The following TMEM131 variants were observed in gnomAD, a reference collection of about 807,000 sequenced individuals.
The protein encoded by TMEM131 is 2610524E03Rik.
In TMEM131, 66 loss-of-function variants were observed where a neutral mutation model predicts 211.6. That is an observed-to-expected ratio of 0.31 (90% CI 0.26 to 0.38). TMEM131 has a LOEUF of 0.38. Ranked by LOEUF, TMEM131 falls within the 10% of genes least tolerant of loss-of-function variation. The pLI, the probability that TMEM131 is intolerant of heterozygous loss-of-function variation, is 1.00. For missense variants in TMEM131, 2,036 were observed against 2,299.3 expected (o/e 0.89, Z 2.34); for synonymous variants, 844 against 841.3 (o/e 1.00, Z -0.06).
intron 40 of TMEM131, among the ~76,000 whole-genome samples, chr2:97,757,612 T>C (rs1678565232): frequency 6.6e-6 from 1 of 152,226 alleles, no homozygotes; most frequent in Admixed American, 6.5e-5. Flanking sequence ...CATGCCTCAC[T>C]GCAGCCTCAA....
chr2:97,757,962 C>T (rs1008875132), intron 40 of TMEM131, among the ~76,000 whole-genome samples: 1 of 152,124 alleles, frequency 6.6e-6, no homozygotes, highest in African/African-American at 2.4e-5. Flanking sequence ...GAAACCCCGT[C>T]TCTACTAAAA....
At chr2:97,842,262 C>T (rs1357855881) in intron 6 of TMEM131, among the ~76,000 whole-genome samples, 1 of 152,178 alleles carries the variant, frequency 6.6e-6, no homozygotes, top group Non-Finnish European at 1.5e-5. Flanking sequence ...GATGGATCTA[C>T]GGCCCAGACA....
intron 31 of TMEM131, 74 bp downstream of exon 31, chr2:97,792,312 T>C (rs891775503): frequency 3.0e-5 from 38 of 1,257,954 alleles, no homozygotes; most frequent in Non-Finnish European, 3.5e-5. Context: ...ACAACTATAA[T>C]CTTAATAGCT....
Position 97,927,483 on chromosome 2 carries a change from G to A in TMEM131, c.192C>T (p.Phe64=), listed in dbSNP as rs180686118. 1.8e-4 allele frequency: 284 copies of A among 1,569,314 alleles called. 1 individual carries two copies. In the East Asian group the frequency reaches 3.2e-3, roughly 18 times the overall value. ...CTTCTATTATGCTCTCTGACTGAAC[G>A]AATGCTGTGAAGAAAACAAAACATA... ...VAAARAEKEA[F]VQSESIIEVL... Residue 64 remains phenylalanine (F), a synonymous_variant, in exon 2 of 41, where the codon TTC becomes TTT. Transcript: ENST00000186436.
rs1375312524 is a variant in TMEM131, at chr2:97,826,838, G to C, written c.1074+6527C>G. Among the ~76,000 whole-genome samples the C allele has an allele frequency of 2.6e-5, 4 of 152,238 alleles. No homozygotes were observed. In the Middle Eastern group the frequency reaches 0.014, roughly 518 times the overall value. ...ACACTCCAATACCACCTTGCTGTCA[G>C]AGTAAACAAGGACATAGCCTGAAAG... is the stretch of plus-strand genomic sequence containing the variant. On this transcript the variant is annotated intron_variant, in intron 11 of 40. Transcript: ENST00000186436.
chr2:97,822,254 C>T (rs1342236822), intron 11 of TMEM131, among the ~76,000 whole-genome samples: 1 of 152,138 alleles, frequency 6.6e-6, no homozygotes. Context: ...TGCCCAAAGC[C>T]CCTTCGAGGG....
At chr2:97,944,976 C>T (rs1216225263) in intron 1 of TMEM131, among the ~76,000 whole-genome samples, 5 of 151,870 alleles carry the variant, frequency 3.3e-5, no homozygotes, top group African/African-American at 4.8e-5. Flanking sequence ...ATAAGAAAAC[C>T]GAAAATACTT....
intron 4 of TMEM131, among the ~76,000 whole-genome samples, chr2:97,865,147 A>G (rs1674221798): frequency 6.6e-6 from 1 of 152,242 alleles, no homozygotes; most frequent in Admixed American, 6.5e-5. Flanking sequence ...AGAAGAGACA[A>G]AGACCAGGGC....
chr2:97,885,088 A>G (rs981117932), intron 4 of TMEM131, among the ~76,000 whole-genome samples: 1 of 152,150 alleles, frequency 6.6e-6, no homozygotes, highest in Non-Finnish European at 1.5e-5. Context: ...ATAGTTTCAC[A>G]TGTTTTCATA....
chr2:97,809,968 A>G (rs1681479436), intron 18 of TMEM131, among the ~76,000 whole-genome samples, 194 bp from the exon 19 acceptor site: 1 of 152,238 alleles, frequency 6.6e-6, no homozygotes, highest in South Asian at 2.1e-4. Context: ...AATGAAATAT[A>G]ACACATTTCC....
chr2:97,895,748 A>G (rs1400148531), intron 3 of TMEM131, among the ~76,000 whole-genome samples: 1 of 151,526 alleles, frequency 6.6e-6, no homozygotes, highest in Non-Finnish European at 1.5e-5. Flanking sequence ...CATCGATTTG[A>G]TTCTTCTCTC....
chr2:97,892,962 C>A (rs544027582), intron 3 of TMEM131, among the ~76,000 whole-genome samples: 47 of 151,970 alleles, frequency 3.1e-4, no homozygotes, highest in Non-Finnish European at 5.3e-4. Flanking sequence ...TTTTGTTACA[C>A]AGGTATACAT....
chr2:97,889,422 G>A (rs544943892), intron 3 of TMEM131, among the ~76,000 whole-genome samples: 25 of 151,924 alleles, frequency 1.6e-4, no homozygotes, highest in Admixed American at 1.3e-3. Context: ...ATTCTTTGGC[G>A]CCTTTAAAAC....
chr2:97,851,613 T>A (rs1673631389), intron 5 of TMEM131, among the ~76,000 whole-genome samples: 1 of 152,252 alleles, frequency 6.6e-6, no homozygotes, highest in Non-Finnish European at 1.5e-5. Context: ...TGTGTCACAT[T>A]TTGGCAATCT....
chr2:97,992,648 A>C (rs1252344854), intron 1 of TMEM131, among the ~76,000 whole-genome samples: 1 of 152,204 alleles, frequency 6.6e-6, no homozygotes, highest in African/African-American at 2.4e-5. Flanking sequence ...TTTTTAAAAA[A>C]GGTCTTATTT....
At chr2:97,851,602 CTG>C (rs1673631065) in intron 5 of TMEM131, among the ~76,000 whole-genome samples, 1 of 152,220 alleles carries the variant, frequency 6.6e-6, no homozygotes, top group African/African-American at 2.4e-5. Flanking sequence ...CTTTCTATCT[CTG>C]TGTCACATTT....
chr2:97,909,407 T>G (rs763240458), intron 2 of TMEM131, among the ~76,000 whole-genome samples: 2 of 152,152 alleles, frequency 1.3e-5, no homozygotes, highest in Admixed American at 6.5e-5. Flanking sequence ...CAGATAATGC[T>G]CTGCCTTGTA....
chr2:97,772,164 G>A lies in TMEM131; in HGVS notation c.4448+133C>T, dbSNP rs150119495. On this transcript the variant is annotated intron_variant, in intron 33 of 40. Coordinates refer to ENST00000186436, the MANE Select transcript of TMEM131 (RefSeq NM_015348.2). ...AGAAAAATCCCAAGAGGAATGTGAC[G>A]TAGCACCTGGATTTTGCTATCAACT... 7.6e-5 allele frequency: 76 copies of A among 997,250 alleles called. No individual in the cohort carries two copies. In the East Asian group the frequency reaches 1.3e-3, roughly 17 times the overall value. 61.8% of individuals were successfully genotyped at this position (997,250 alleles called of 1,614,324 possible). A position where few individuals can be genotyped will look rare whatever the true frequency, so the allele number is the denominator to read the frequency against.
intron 31 of TMEM131, among the ~76,000 whole-genome samples, chr2:97,788,352 TCC>T (rs1219993407): frequency 6.6e-6 from 1 of 152,124 alleles, no homozygotes; most frequent in Non-Finnish European, 1.5e-5. Context: ...ATCTGACTAT[TCC>T]AAACTTTGTC....
Sources: gnomAD v4.1 joint callset for allele counts (sites outside exome capture counted in the v4.1 genomes callset) on GRCh38, gnomAD v4.1.1 for gene constraint, MANE v1.5 for transcripts, NCBI Gene and HGNC (gene_info 2026-07-23, HGNC 2026-07-21) for gene names.